The following IFI6 variants were observed in gnomAD, a reference collection of about 807,000 sequenced individuals.
IFI6 encodes interferon alpha inducible protein 6.
IFI6 carries 10 observed loss-of-function variants against 12.7 expected under a neutral mutation model. That is an observed-to-expected ratio of 0.79 (90% CI 0.49 to 1.33). The LOEUF (loss-of-function observed/expected upper bound fraction) is 1.33. Among genes scored for constraint, IFI6 ranks in the 40% most tolerant of loss-of-function variants. The pLI, the probability that IFI6 is intolerant of heterozygous loss-of-function variation, is 0.00. For missense variants in IFI6, 154 were observed against 180.4 expected, an observed-to-expected ratio of 0.85 and a Z score of 0.84; for synonymous variants, 89 against 86.2, an observed-to-expected ratio of 1.03 and a Z score of -0.18.
rs2090350795 is a variant in IFI6, at chr1:27,666,306, A to AAAT, written c.*74_*75insATT. The AAAT allele has an allele frequency of 5.4e-6, 4 of 740,748 alleles. No homozygotes were observed. The highest frequency in any genetic ancestry group is 8.3e-6 in the Non-Finnish European group (4 of 481,338). The allele number at this position is 740,748 out of a possible 1,614,324, so 45.9% of individuals were successfully genotyped here. A position where few individuals can be genotyped will look rare whatever the true frequency, so the allele number is the denominator to read the frequency against. Reference sequence around the variant, plus strand: ...ACCCATCTCAAAAAAAAAAAAAAAAAAAAAAAGGCAAAGTTCTAGATCCTA... The same window carrying AAAT: ...ACCCATCTCAAAAAAAAAAAAAAAAAAATAAAAAAGGCAAAGTTCTAGATCCTA... On this transcript the variant is annotated 3_prime_UTR_variant, in exon 5 of 5. Transcript: ENST00000361157.
Position 27,668,258 on chromosome 1 carries a change from G to A in IFI6, c.266C>T (p.Ala89Val), listed in dbSNP as rs772083421. ...CTGCAGCGTGGCCACTAGCCCCCCG[G>A]CGGGCACGCCGCCCCCATTCAGGAT... The part of the protein sequence containing the change: ...SAILNGGGVP[A>V]GGLVATLQSL... The change falls in exon 4 of 5, where the codon GCC becomes GTC. Residue 89 changes from alanine to valine, a missense_variant. Transcript: ENST00000361157. 8.9e-6 allele frequency: 14 copies of A among 1,576,144 alleles called. No individual in the cohort carries two copies. The highest frequency in any genetic ancestry group is 1.2e-5 in the Non-Finnish European group (14 of 1,166,470).
Position 27,668,351 on chromosome 1 carries a change from G to C in IFI6, c.173C>G (p.Ala58Gly). 4 of 1,569,380 alleles carry C rather than the reference G, an allele frequency of 2.5e-6. No individual in the cohort carries two copies. The highest frequency in any genetic ancestry group is 8.6e-7 in the Non-Finnish European group (1 of 1,157,342). The change falls in exon 4 of 5, where the codon GCG (alanine) becomes GGG (glycine). Residue 58 changes from alanine (A) to glycine (G), a missense_variant. By Grantham distance (60) the Ala-to-Gly change is moderately conservative (BLOSUM62 0). Transcript: ENST00000361157. ...GATGCCGGCGCCGGTGAAGCCCAGC[G>C]CGGGCAGCCCGGCGACTGCGAGTCC... ...GGGLAVAGLP[A>G]LGFTGAGIAA...
Position 27,668,337 on chromosome 1 carries a change from C to T in IFI6, c.187G>A (p.Gly63Ser), listed in dbSNP as rs1302453039. 4 of 1,570,002 alleles carry T rather than the reference C, an allele frequency of 2.5e-6. No individual in the cohort carries two copies. The South Asian group carries it at 4.6e-5, about 18-fold the overall frequency. The change falls in exon 4 of 5, where the codon GGC becomes AGC. Residue 63 changes from glycine to serine, a missense_variant. Gly to Ser is a moderately conservative substitution (Grantham distance 56). Coordinates refer to ENST00000361157, the MANE Select transcript of IFI6 (RefSeq NM_002038.4). ...ACCGAGTTGGCCGCGATGCCGGCGC[C>T]GGTGAAGCCCAGCGCGGGCAGCCCG... ...VAGLPALGFTGAGIAANSVAA... is the reference protein window; with the variant it reads ...VAGLPALGFTSAGIAANSVAA...
chr1:27,669,057 ATCCTTACCTGCATCCTTACCCG>A (rs1384833911), intron 2 of IFI6, among the ~76,000 whole-genome samples, 166 bp downstream of exon 2: 32 of 147,666 alleles, frequency 2.2e-4, no homozygotes, highest in African/African-American at 7.8e-4. Flanking sequence ...CCTTACCCGC[ATCCTTACCTGCATCCTTACCCG>A]CATCCTTACC....
At chr1:27,669,949 C>T (rs1260367579) in intron 1 of IFI6, 1 of 152,738 alleles carries the variant, frequency 6.5e-6, no homozygotes, top group African/African-American at 2.4e-5. Context: ...AACTCAGTTT[C>T]CCTCACCGTA....
chr1:27,667,773 A>G (rs1346913575), intron 4 of IFI6, among the ~76,000 whole-genome samples: 1 of 152,192 alleles, frequency 6.6e-6, no homozygotes, highest in Non-Finnish European at 1.5e-5. Flanking sequence ...AGACTTGAGT[A>G]AGTTACTTAA....
intron 1 of IFI6, among the ~76,000 whole-genome samples, chr1:27,670,804 C>T (rs1294653087): frequency 6.6e-6 from 1 of 152,170 alleles, no homozygotes; most frequent in Non-Finnish European, 1.5e-5. Context: ...AATCACTGCC[C>T]ATTGGTAATC....
intron 2 of IFI6, 83 bp from the exon 3 acceptor site, chr1:27,668,618 AC>A (rs1429949342): frequency 3.8e-5 from 42 of 1,110,248 alleles, no homozygotes; most frequent in Non-Finnish European, 5.4e-5. Flanking sequence ...GCTCAGGACC[AC>A]TCCTGGAGGC....
chr1:27,668,215 C>A lies in IFI6; in HGVS notation c.298+11G>T. ...AGAACGTCCCACCAGGGGCCCAGGC[C>A]CCGCACTCACCGAGGCTCTGCAGCG... On this transcript the variant is annotated intron_variant, in intron 4 of 4. Coordinates refer to ENST00000361157, the MANE Select transcript of IFI6 (RefSeq NM_002038.4). The A allele has an allele frequency of 6.6e-7, 1 of 1,509,480 alleles. No individual in the cohort carries two copies. The highest frequency in any genetic ancestry group is 8.8e-7 in the Non-Finnish European group (1 of 1,136,634). 93.5% of individuals were successfully genotyped at this position (1,509,480 alleles called of 1,614,324 possible).
Position 27,668,347 on chromosome 1 carries a change from C to T in IFI6, c.177G>A (p.Leu59=). 6.4e-7 allele frequency: 1 copy of T among 1,567,944 alleles called. No homozygotes were observed. The highest frequency in any genetic ancestry group is 1.4e-5 in the African/African-American group (1 of 73,562). ...CCGCGATGCCGGCGCCGGTGAAGCC[C>T]AGCGCGGGCAGCCCGGCGACTGCGA... is the stretch of plus-strand genomic sequence containing the variant. The part of the protein sequence containing the change: ...GGLAVAGLPA[L]GFTGAGIAAN... The change falls in exon 4 of 5, where the codon CTG becomes CTA. Residue 59 remains leucine (L), a synonymous_variant. Coordinates refer to ENST00000361157, the MANE Select transcript of IFI6 (RefSeq NM_002038.4).
At chr1:27,668,622 C>T (rs190479323) in intron 2 of IFI6, 87 bp from the exon 3 acceptor site, 123 of 1,079,232 alleles carry the variant, frequency 1.1e-4, no homozygotes, top group Non-Finnish European at 1.5e-4. Flanking sequence ...AGGACCACTC[C>T]TGGAGGCGGG....
At chr1:27,668,573 G>A (rs755277844) in intron 2 of IFI6, 38 bp from the exon 3 acceptor site, 5 of 1,538,862 alleles carry the variant, frequency 3.2e-6, no homozygotes, top group Non-Finnish European at 4.4e-6. Flanking sequence ...GGGGTGTTGG[G>A]GTGGGACACA....
chr1:27,667,846 G>A (rs780705886), intron 4 of IFI6, among the ~76,000 whole-genome samples: 8 of 152,234 alleles, frequency 5.3e-5, no homozygotes, highest in Non-Finnish European at 8.8e-5. Context: ...CGAGGCGGGC[G>A]GATCAGCTGA....
At position 27,669,121 on chromosome 1, in the gene IFI6, T is replaced by G. The variant is rs947520354; in HGVS notation, c.70+124A>C. ...CTTACCTGCATCCTTACCCGCATCC[T>G]TACCTGCATCCTTACCCGCATCTTT... On this transcript the variant is annotated intron_variant, in intron 2 of 4. Transcript: ENST00000361157. 2.8e-5 allele frequency: 33 copies of G among 1,162,536 alleles called. No homozygotes were observed. The African/African-American group carries it at 4.1e-4, about 15-fold the overall frequency. The allele number at this position is 1,162,536 out of a possible 1,614,324, so 72.0% of individuals were successfully genotyped here. A position where few individuals can be genotyped will look rare whatever the true frequency, so the allele number is the denominator to read the frequency against.
At chr1:27,669,054 C>G (rs71514291) in intron 2 of IFI6, among the ~76,000 whole-genome samples, 191 bp downstream of exon 2, 23 of 2,428 alleles carry the variant, frequency 9.5e-3, no homozygotes, top group African/African-American at 0.026. Context: ...CATCCTTACC[C>G]GCATCCTTAC....
At chr1:27,670,675 A>G (rs1292478221) in intron 1 of IFI6, among the ~76,000 whole-genome samples, 1 of 152,142 alleles carries the variant, frequency 6.6e-6, no homozygotes, top group Non-Finnish European at 1.5e-5. Context: ...TGGAGTTTCC[A>G]TTCCTCTCCA....
intron 2 of IFI6, among the ~76,000 whole-genome samples, chr1:27,668,912 C>T (rs999620751): frequency 6.6e-6 from 1 of 152,038 alleles, no homozygotes; most frequent in Non-Finnish European, 1.5e-5. Context: ...CCCTTATATG[C>T]CTCCTTACTT....
chr1:27,667,196 G>T (rs549212245), intron 4 of IFI6, among the ~76,000 whole-genome samples: 1 of 121,640 alleles, frequency 8.2e-6, no homozygotes, highest in African/African-American at 3.2e-5. Context: ...TTGAGCCCAG[G>T]AATTCAAGAC....
chr1:27,669,653 G>T, intron 1 of IFI6: 1 of 352,818 alleles, frequency 2.8e-6, no homozygotes, highest in East Asian at 7.2e-5. Context: ...GTGACCTTGG[G>T]CAGGATACTA....
Sources: allele counts gnomAD v4.1 joint callset (sites outside exome capture counted in the v4.1 genomes callset), GRCh38; gene constraint gnomAD v4.1.1; transcripts MANE v1.5; gene names NCBI Gene and HGNC (gene_info 2026-07-23, HGNC 2026-07-21).